The following STK38 variants were observed in gnomAD, a reference collection of about 807,000 sequenced individuals.
The protein encoded by STK38 is serine/threonine kinase 38, also known as serine/threonine-protein kinase 38.
Under a neutral mutation model 59.0 loss-of-function variants are expected in STK38, and 26 were observed. That is an observed-to-expected ratio of 0.44 (90% CI 0.32 to 0.61). STK38 has a LOEUF of 0.61. Among genes scored for constraint, STK38 ranks in the 20% least tolerant of loss-of-function variants. The pLI is 0.04. For synonymous variants in STK38, 175 were observed against 176.6 expected (o/e 0.99, Z 0.07); for missense variants, 433 against 566.0 (o/e 0.76, Z 2.38).
chr6:36,532,725 C>T (rs919998010), intron 2 of STK38, among the ~76,000 whole-genome samples: 3 of 152,046 alleles, frequency 2.0e-5, no homozygotes, highest in African/African-American at 7.3e-5. Flanking sequence ...ATGGTGAAAC[C>T]CCGCTTCTAC....
rs115418590 is a variant in STK38, at chr6:36,520,220, T to C, written c.390+1514A>G. On this transcript the variant is annotated intron_variant, in intron 5 of 13. Coordinates refer to ENST00000229812, the MANE Select transcript of STK38 (RefSeq NM_007271.4). ...GTGAGCTAAACAATTTAAGTTAATG[T>C]ACCATTTAATCCATAAGTTAATGCA... 6.5e-3 allele frequency among the ~76,000 whole-genome samples: 989 copies of C among 152,376 alleles called. 8 individuals are homozygous for C. The highest frequency in any genetic ancestry group is 0.021 in the African/African-American group (869 of 41,596).
intron 12 of STK38, 152 bp from the exon 13 acceptor site, chr6:36,496,957 T>A: frequency 1.7e-6 from 1 of 573,790 alleles, no homozygotes; most frequent in African/African-American, 1.9e-5. Flanking sequence ...TTATAAACAC[T>A]GACCAACCAA....
At position 36,507,563 on chromosome 6, in the gene STK38, G is replaced by T. The variant is rs1373609028; in HGVS notation, c.709C>A (p.Leu237Met). ...KLSDFGLCTG[L>M]KKAHRTEFYR... ...AATTCTGTCCTATGTGCTTTTTTCAGTCCTGTGCAAAGACCAAAGTCAGAA... is the reference window on the plus strand; with the variant it reads ...AATTCTGTCCTATGTGCTTTTTTCATTCCTGTGCAAAGACCAAAGTCAGAA... Residue 237 changes from leucine to methionine, a missense_variant, in exon 8 of 14, where the codon CTG (leucine) becomes ATG (methionine). Leu to Met is a conservative substitution (Grantham distance 15, BLOSUM62 2). This residue lies in a region of STK38 where 293 missense variants were observed against 388.2 expected (regional missense o/e 0.75). Transcript: ENST00000229812. The T allele has an allele frequency of 6.2e-7, 1 of 1,614,050 alleles. No individual in the cohort carries two copies. The highest frequency in any genetic ancestry group is 1.7e-5 in the Admixed American group (1 of 60,002).
At chr6:36,500,674 C>T (rs62402197) in intron 9 of STK38, among the ~76,000 whole-genome samples, 3,617 of 148,738 alleles carry the variant, frequency 0.024, 49 homozygotes, top group Non-Finnish European at 0.027. Context: ...GCAGGAGAAT[C>T]GCTTGAACCC....
chr6:36,529,118 C>A lies in STK38; in HGVS notation c.132-3476G>T, dbSNP rs75446230. Among the ~76,000 whole-genome samples the A allele has an allele frequency of 6.6e-3, 999 of 152,222 alleles. 9 individuals carry two copies. The highest frequency in any genetic ancestry group is 0.021 in the African/African-American group (879 of 41,520). On this transcript the variant is annotated intron_variant, in intron 2 of 13. Coordinates refer to ENST00000229812, the MANE Select transcript of STK38 (RefSeq NM_007271.4). Reference sequence around the variant, plus strand: ...CTGAAATGAGACTTAAAAATGACATCCTCTGTGAGATGACATCAAAGGAAT... The same window carrying A: ...CTGAAATGAGACTTAAAAATGACATACTCTGTGAGATGACATCAAAGGAAT...
chr6:36,512,602 A>G (rs1464561033), intron 7 of STK38, among the ~76,000 whole-genome samples: 3 of 152,242 alleles, frequency 2.0e-5, no homozygotes, highest in Admixed American at 2.0e-4. Context: ...ACAAACAGAA[A>G]GGCATCAAAG....
chr6:36,504,639 T>C (rs910510916), intron 9 of STK38, among the ~76,000 whole-genome samples: 2 of 152,076 alleles, frequency 1.3e-5, no homozygotes, highest in Non-Finnish European at 2.9e-5. Context: ...ACCTTAACCA[T>C]AGCATCAGGG....
At chr6:36,517,243 T>C (rs1308132989) in intron 6 of STK38, among the ~76,000 whole-genome samples, 1 of 152,136 alleles carries the variant, frequency 6.6e-6, no homozygotes, top group Non-Finnish European at 1.5e-5. Context: ...TCATGCTGAG[T>C]TACATAAAAC....
In STK38 at chr6:36,494,030, C is replaced by G. The variant is rs1776642012; in HGVS notation, c.*1754G>C. 6.6e-6 allele frequency: 1 copy of G among 152,268 alleles called. No homozygotes were observed. The highest frequency in any genetic ancestry group is 2.4e-5 in the African/African-American group (1 of 41,430). The allele number at this position is 152,268 out of a possible 1,614,324, so 9.4% of individuals were successfully genotyped here. On this transcript the variant is annotated 3_prime_UTR_variant, in exon 14 of 14. Coordinates refer to ENST00000229812, the MANE Select transcript of STK38 (RefSeq NM_007271.4). ...CTTCTCTTTACCCAGGCTTACCACA[C>G]ATTCTTGCAAAACACACAGGAGTCA...
chr6:36,515,555 CA>C lies in STK38; in HGVS notation c.515-64del. ...ACACACACACACACACACACACACA[CA>C]ACATACGAGTGAGTACCAATTTTCA... is the stretch of plus-strand genomic sequence containing the variant. On this transcript the variant is annotated intron_variant, in intron 6 of 13. Transcript: ENST00000229812. The C allele has an allele frequency of 2.6e-6, 4 of 1,515,614 alleles. No individual in the cohort carries two copies. In the African/African-American group the frequency reaches 4.3e-5, roughly 16 times the overall value. 93.9% of individuals were successfully genotyped at this position (1,515,614 alleles called of 1,614,324 possible). A position where few individuals can be genotyped will look rare whatever the true frequency, so the allele number is the denominator to read the frequency against.
intron 1 of STK38, among the ~76,000 whole-genome samples, chr6:36,543,762 C>G (rs1777998744): frequency 6.6e-6 from 1 of 152,172 alleles, no homozygotes; most frequent in African/African-American, 2.4e-5. Context: ...CTGCCTCAGC[C>G]TCCCAAGTAG....
chr6:36,518,274 T>G (rs1373764376), intron 5 of STK38, among the ~76,000 whole-genome samples: 1 of 152,206 alleles, frequency 6.6e-6, no homozygotes, highest in African/African-American at 2.4e-5. Flanking sequence ...CACTGACAAA[T>G]TCTAGAATGC....
At chr6:36,502,094 T>C (rs1206198819) in intron 9 of STK38, among the ~76,000 whole-genome samples, 10 of 152,192 alleles carry the variant, frequency 6.6e-5, no homozygotes, top group African/African-American at 2.4e-4. Context: ...CTTGGCTTTG[T>C]CAGATTTTTT....
intron 9 of STK38, among the ~76,000 whole-genome samples, chr6:36,503,438 G>A (rs1252497049): frequency 6.6e-6 from 1 of 151,352 alleles, no homozygotes; most frequent in Admixed American, 6.6e-5. Flanking sequence ...AAGTGTGTGT[G>A]TGTGTGTGTG....
chr6:36,538,413 T>C (rs953451835), intron 2 of STK38, among the ~76,000 whole-genome samples: 1 of 152,240 alleles, frequency 6.6e-6, no homozygotes, highest in Non-Finnish European at 1.5e-5. Flanking sequence ...TGTTCTGTTT[T>C]GATAAAGGTT....
chr6:36,534,374 T>G (rs1420490964), intron 2 of STK38, among the ~76,000 whole-genome samples: 3 of 152,046 alleles, frequency 2.0e-5, no homozygotes, highest in South Asian at 2.1e-4. Context: ...ATAGGCTGAG[T>G]GCAGTGGCTC....
intron 9 of STK38, among the ~76,000 whole-genome samples, chr6:36,502,344 G>A (rs545057695): frequency 7.6e-4 from 115 of 152,040 alleles, no homozygotes; most frequent in Non-Finnish European, 1.3e-3. Context: ...TTTCAAGTAG[G>A]GTTGAGCACA....
intron 2 of STK38, among the ~76,000 whole-genome samples, chr6:36,527,207 A>AAAAAAAAAAAAAAAAATAT (rs60162863): frequency 8.4e-6 from 1 of 119,354 alleles, no homozygotes; most frequent in African/African-American, 3.5e-5. Flanking sequence ...AAAAAAAAAA[A>AAAAAAAAAAAAAAAAATAT]ATATATGTAT....
chr6:36,500,632 C>T (rs899799830), intron 9 of STK38, among the ~76,000 whole-genome samples: 1 of 151,448 alleles, frequency 6.6e-6, no homozygotes. Context: ...TGGTGGTGTG[C>T]ACCTGTAGTC....
Sources: gnomAD v4.1 joint callset for allele counts (sites outside exome capture counted in the v4.1 genomes callset) on GRCh38, gnomAD v4.1.1 for gene constraint, gnomAD v4.1.1 regional missense constraint, MANE v1.5 for transcripts, NCBI Gene and HGNC (gene_info 2026-07-23, HGNC 2026-07-21) for gene names.